AXIN2: variants seen among roughly 807,000 people sequenced by gnomAD.
AXIN2 encodes the protein axin 2.
A neutral mutation model predicts 74.7 loss-of-function variants in AXIN2; 21 were observed. The observed-to-expected ratio is 0.28, with a 90% CI of 0.20 to 0.40. The LOEUF is 0.40. Among genes scored for constraint, AXIN2 ranks in the 10% least tolerant of loss-of-function variants. AXIN2 has a pLI of 1.00. For missense variants in AXIN2, 1,144 were observed against 1,111.1 expected, an observed-to-expected ratio of 1.03 and a Z score of -0.42; for synonymous variants, 532 against 454.9, an observed-to-expected ratio of 1.17 and a Z score of -2.16.
intron 3 of AXIN2, among the ~76,000 whole-genome samples, chr17:65,543,169 A>G (rs1361465807): frequency 6.6e-6 from 1 of 152,162 alleles, no homozygotes; most frequent in Non-Finnish European, 1.5e-5. Flanking sequence ...CCAGAGCAAC[A>G]ACTTACCCCC....
chr17:65,544,269 TAA>T (rs1282218712), intron 3 of AXIN2, among the ~76,000 whole-genome samples: 1 of 142,334 alleles, frequency 7.0e-6, no homozygotes, highest in Admixed American at 7.0e-5. Context: ...ATAATAAGGT[TAA>T]AAAAAAAAAA....
chr17:65,556,891 G>A (rs1304080755), intron 2 of AXIN2, among the ~76,000 whole-genome samples: 2 of 152,144 alleles, frequency 1.3e-5, no homozygotes, highest in African/African-American at 2.4e-5. Context: ...CCACACCCCG[G>A]AATTAAGAGG....
At chr17:65,532,951 C>G (rs557373755) in intron 10 of AXIN2, among the ~76,000 whole-genome samples, 1 of 152,348 alleles carries the variant, frequency 6.6e-6, no homozygotes, top group Admixed American at 6.5e-5. Flanking sequence ...ACCTGGGAAA[C>G]CTGGGACAGA....
chr17:65,539,658 G>A (rs2044012207), intron 4 of AXIN2, among the ~76,000 whole-genome samples: 1 of 152,226 alleles, frequency 6.6e-6, no homozygotes, highest in Non-Finnish European at 1.5e-5. Flanking sequence ...CCTTGTCTGT[G>A]TGAGGAGCTT....
intron 2 of AXIN2, among the ~76,000 whole-genome samples, chr17:65,550,392 C>G (rs2044174657): frequency 6.6e-6 from 1 of 152,194 alleles, no homozygotes; most frequent in Non-Finnish European, 1.5e-5. Flanking sequence ...GGCCCCTCCT[C>G]CGGTATCTCC....
intron 4 of AXIN2, 83 bp downstream of exon 4, chr17:65,541,372 C>T (rs1417129414): frequency 9.5e-6 from 12 of 1,261,922 alleles, no homozygotes; most frequent in Middle Eastern, 4.0e-4. Flanking sequence ...CCCTATACCT[C>T]TCCCCATTCC....
rs748402111 is a variant in AXIN2, at chr17:65,536,391, T to C, written c.2070A>G (p.Pro690=). 21 of 1,613,448 alleles carry C rather than the reference T, an allele frequency of 1.3e-5. No individual in the cohort carries two copies. The highest frequency in any genetic ancestry group is 1.7e-4 in the Middle Eastern group (1 of 6,054). ...CCTCCAGCTGAGCCAGCGTGTTGGG[T>C]GGGGTCAGGGGAGGCATCGCAGGGT... The part of the protein sequence containing the change: ...TQDPAMPPLT[P]PNTLAQLEEA... The change falls in exon 8 of 11, where the codon CCA becomes CCG. Residue 690 remains proline, a synonymous_variant. Transcript: ENST00000307078.
chr17:65,556,931 G>A (rs981325768), intron 2 of AXIN2, among the ~76,000 whole-genome samples: 7 of 152,150 alleles, frequency 4.6e-5, no homozygotes, highest in Admixed American at 6.5e-5. Flanking sequence ...TTTGGAAGTC[G>A]GGAGGAGGGG....
Position 65,536,963 on chromosome 17 carries a change from C to T in AXIN2, c.1813G>A (p.Ala605Thr), listed in dbSNP as rs763417360. ...REGGAPGGAG[A>T]LQLPREEGDR... ...CCTTCCTCCCGGGGAAGCTGCAGGG[C>T]CCCAGCTCCGCCGGGGGCCCCTCCT... Residue 605 changes from alanine to threonine, a missense_variant, in exon 7 of 11, where the codon GCC becomes ACC. Ala to Thr is a moderately conservative substitution (Grantham distance 58, BLOSUM62 0). This residue lies in a region of AXIN2 where 1,053 missense variants were observed against 973.5 expected (regional missense o/e 1.08). Coordinates refer to ENST00000307078, the MANE Select transcript of AXIN2 (RefSeq NM_004655.4). The T allele has an allele frequency of 2.5e-6, 4 of 1,613,332 alleles. No homozygotes were observed. Among genetic ancestry groups the T allele is most frequent in the South Asian group, 1.1e-5 (1 of 91,066 alleles).
At chr17:65,557,091 C>G (rs1007701118) in intron 2 of AXIN2, among the ~76,000 whole-genome samples, 1 of 152,186 alleles carries the variant, frequency 6.6e-6, no homozygotes, top group African/African-American at 2.4e-5. Flanking sequence ...GGGCCAAGAT[C>G]TCTTCTCCAT....
intron 3 of AXIN2, among the ~76,000 whole-genome samples, chr17:65,546,074 T>TC (rs1567761662): frequency 2.7e-5 from 1 of 36,410 alleles, no homozygotes; most frequent in South Asian, 9.9e-4. Flanking sequence ...CCCTGTTCCC[T>TC]CCCCAGCTCC....
At position 65,549,423 on chromosome 17, in the gene AXIN2, C is replaced by G. The variant is rs1016370128; in HGVS notation, c.956+97G>C. 44 of 1,517,934 alleles carry G rather than the reference C, an allele frequency of 2.9e-5. No individual in the cohort carries two copies. The African/African-American group carries it at 5.2e-4, about 18-fold the overall frequency. 94.0% of individuals were successfully genotyped at this position (1,517,934 alleles called of 1,614,324 possible). On this transcript the variant is annotated intron_variant, in intron 3 of 10. Transcript: ENST00000307078. ...ATGTCCATACATGCACAGGTGCGGT[C>G]TGCAAAGCCAGCTGAGGATGACAGA...
At chr17:65,552,792 G>A (rs374371703) in intron 2 of AXIN2, among the ~76,000 whole-genome samples, 3 of 152,290 alleles carry the variant, frequency 2.0e-5, no homozygotes, top group East Asian at 3.9e-4. Context: ...ACTTTGGGAG[G>A]CCGAGATGGG....
intron 1 of AXIN2, among the ~76,000 whole-genome samples, chr17:65,559,024 G>C (rs2044321206): frequency 6.6e-6 from 1 of 152,046 alleles, no homozygotes; most frequent in Non-Finnish European, 1.5e-5. Context: ...GACGGCAGGG[G>C]GACACTGGAG....
At position 65,538,296 on chromosome 17, in the gene AXIN2, G is replaced by A. The variant is rs1177671049; in HGVS notation, c.1107C>T (p.Thr369=). 1 of 1,614,104 alleles carries A rather than the reference G, an allele frequency of 6.2e-7. No individual in the cohort carries two copies. Among genetic ancestry groups the A allele is most frequent in the Non-Finnish European group, 8.5e-7 (1 of 1,180,048 alleles). The change falls in exon 5 of 11, where the codon ACC becomes ACT. Residue 369 remains threonine (T), a synonymous_variant. Coordinates refer to ENST00000307078, the MANE Select transcript of AXIN2 (RefSeq NM_004655.4). The stretch of plus-strand genomic sequence containing the variant: ...GCCTCGAGATCAGCTCAGCTGCAAA[G>A]GTGGCGGGTTCCACGGGGGTCATCT... ...PKEMTPVEPA[T]FAAELISRLE... is the part of the protein sequence containing the mutation.
chr17:65,537,213 C>T (rs2043941426), intron 6 of AXIN2, 111 bp downstream of exon 6: 4 of 1,564,822 alleles, frequency 2.6e-6, no homozygotes, highest in Non-Finnish European at 2.6e-6. Context: ...TGCACTCTGC[C>T]GCCCTCTTAG....
intron 2 of AXIN2, 43 bp downstream of exon 2, chr17:65,557,763 A>G: frequency 6.3e-7 from 1 of 1,596,052 alleles, no homozygotes; most frequent in Non-Finnish European, 8.6e-7. Flanking sequence ...AAACATCTGC[A>G]AAGTCCACAG....
chr17:65,558,846 C>T (rs1010274038), intron 1 of AXIN2, 110 bp from the exon 2 acceptor site: 1 of 587,958 alleles, frequency 1.7e-6, no homozygotes, highest in Non-Finnish European at 3.0e-6. Flanking sequence ...TTTTCAACTC[C>T]TCAAATTCAA....
At chr17:65,551,051 G>A (rs1485899143) in intron 2 of AXIN2, among the ~76,000 whole-genome samples, 1 of 152,178 alleles carries the variant, frequency 6.6e-6, no homozygotes, top group East Asian at 1.9e-4. Flanking sequence ...CAATCAAACT[G>A]CCTCCCAATA....
Sources: gnomAD v4.1 joint callset for allele counts (sites outside exome capture counted in the v4.1 genomes callset) on GRCh38, gnomAD v4.1.1 for gene constraint, gnomAD v4.1.1 regional missense constraint, MANE v1.5 for transcripts, NCBI Gene and HGNC (gene_info 2026-07-23, HGNC 2026-07-21) for gene names.